Variants in MAML3 observed in about 807,000 individuals in gnomAD.
MAML3 encodes mastermind-like protein 3.
Under a neutral mutation model 101.9 loss-of-function variants are expected in MAML3, and 27 were observed. The observed-to-expected ratio is 0.27, with a 90% CI of 0.20 to 0.37. The LOEUF (loss-of-function observed/expected upper bound fraction) is 0.37, where lower values mean the gene tolerates loss of function less well. MAML3 is among the 10% of genes least tolerant of loss of function. MAML3 has a pLI of 1.00. For synonymous variants in MAML3, 501 were observed against 555.9 expected, an observed-to-expected ratio of 0.90 and a Z score of 1.39; for missense variants, 1,316 against 1,444.9, an observed-to-expected ratio of 0.91 and a Z score of 1.45.
intron 1 of MAML3, among the ~76,000 whole-genome samples, chr4:140,122,013 C>G (rs1278670236): frequency 2.0e-5 from 3 of 152,146 alleles, no homozygotes. Flanking sequence ...TTGAAGAAGG[C>G]TGTGTTTGCT....
intron 1 of MAML3, among the ~76,000 whole-genome samples, chr4:139,910,669 C>T (rs1414708041): frequency 1.3e-5 from 2 of 151,954 alleles, no homozygotes; most frequent in Non-Finnish European, 2.9e-5. Context: ...TATAAGAAAT[C>T]TTGTTGCAAG....
At chr4:140,132,780 T>C (rs1578701716) in intron 1 of MAML3, among the ~76,000 whole-genome samples, 2 of 152,244 alleles carry the variant, frequency 1.3e-5, no homozygotes, top group African/African-American at 4.8e-5. Context: ...AATTATTTCC[T>C]ATATGCGGCA....
intron 2 of MAML3, among the ~76,000 whole-genome samples, chr4:139,859,020 T>A (rs1208084838): frequency 6.6e-6 from 1 of 152,096 alleles, no homozygotes; most frequent in East Asian, 1.9e-4. Flanking sequence ...CCTCTGAGAA[T>A]ACCATCATGA....
chr4:140,039,413 C>T (rs1727044179), intron 1 of MAML3, among the ~76,000 whole-genome samples: 1 of 152,150 alleles, frequency 6.6e-6, no homozygotes, highest in Admixed American at 6.5e-5. Flanking sequence ...CATGGCTGAC[C>T]ATGCATGGTG....
chr4:140,053,308 C>T (rs1190362259), intron 1 of MAML3, among the ~76,000 whole-genome samples: 2 of 152,140 alleles, frequency 1.3e-5, no homozygotes, highest in Non-Finnish European at 2.9e-5. Context: ...CCTACTACTC[C>T]CCTTCATCTC....
intron 2 of MAML3, among the ~76,000 whole-genome samples, chr4:139,794,613 C>CCTG (rs1730479859): frequency 6.6e-6 from 1 of 152,214 alleles, no homozygotes; most frequent in African/African-American, 2.4e-5. Context: ...AGGCAGCCTG[C>CCTG]AAATTTGGGC....
chr4:140,060,350 A>G (rs528497075), intron 1 of MAML3, among the ~76,000 whole-genome samples: 1 of 116,450 alleles, frequency 8.6e-6, no homozygotes, highest in African/African-American at 3.6e-5. Context: ...TGGGCGACAG[A>G]GTAAGACTCT....
intron 1 of MAML3, among the ~76,000 whole-genome samples, chr4:140,053,603 TATTTA>T (rs1212863527): frequency 1.3e-5 from 2 of 152,176 alleles, no homozygotes; most frequent in African/African-American, 4.8e-5. Context: ...TGCATGCACA[TATTTA>T]TTTTAAAATT....
chr4:139,985,682 T>A (rs1207008663), intron 1 of MAML3, among the ~76,000 whole-genome samples: 1 of 152,234 alleles, frequency 6.6e-6, no homozygotes, highest in Non-Finnish European at 1.5e-5. Flanking sequence ...CTGTGCTGTT[T>A]AGGGATTGCC....
At chr4:139,865,034 G>T (rs1448461779) in intron 2 of MAML3, among the ~76,000 whole-genome samples, 1 of 137,372 alleles carries the variant, frequency 7.3e-6, no homozygotes, top group Non-Finnish European at 1.5e-5. Context: ...TTTGTGAAAT[G>T]GAGACAAATT....
chr4:140,093,223 T>A (rs971085984), intron 1 of MAML3, among the ~76,000 whole-genome samples: 1 of 152,200 alleles, frequency 6.6e-6, no homozygotes, highest in Non-Finnish European at 1.5e-5. Flanking sequence ...AGACTGGTGA[T>A]ACATTCTATA....
chr4:139,772,232 T>C (rs1578593468), intron 2 of MAML3, among the ~76,000 whole-genome samples: 2 of 58,724 alleles, frequency 3.4e-5, no homozygotes, highest in Non-Finnish European at 5.8e-5. Flanking sequence ...AGAGCGAGAC[T>C]CCGTTCTCAA....
chr4:140,152,804 C>A, intron 1 of MAML3, 56 bp downstream of exon 1: 1 of 1,546,136 alleles, frequency 6.5e-7, no homozygotes, highest in Non-Finnish European at 8.7e-7. Flanking sequence ...ACGCGCCCCC[C>A]ACCACCACCA....
Position 139,774,260 on chromosome 4 carries a change from C to T in MAML3, c.2080-43593G>A, listed in dbSNP as rs145715935. On this transcript the variant is annotated intron_variant, in intron 2 of 4. Coordinates refer to ENST00000509479, the MANE Select transcript of MAML3 (RefSeq NM_018717.5). ...AACAAATCCTCCTTGACAACTACTA[C>T]ACTTGGTAATTGTTTATTTAACTGG... Among the ~76,000 whole-genome samples the T allele has an allele frequency of 5.9e-4, 90 of 152,358 alleles. 1 individual carries two copies. The highest frequency in any genetic ancestry group is 1.9e-3 in the African/African-American group (78 of 41,582).
chr4:140,031,443 C>A (rs1358158716), intron 1 of MAML3, among the ~76,000 whole-genome samples: 57 of 152,154 alleles, frequency 3.7e-4, no homozygotes. Flanking sequence ...TGGCTTCCAA[C>A]TCAGAGGAAG....
chr4:139,750,980 C>T (rs1381647810), intron 2 of MAML3, among the ~76,000 whole-genome samples: 3 of 152,190 alleles, frequency 2.0e-5, no homozygotes, highest in Non-Finnish European at 4.4e-5. Flanking sequence ...GAACACCTGG[C>T]AAGCTGCCTC....
At chr4:139,973,197 ACCCAGT>A (rs1237927687) in intron 1 of MAML3, among the ~76,000 whole-genome samples, 1 of 152,196 alleles carries the variant, frequency 6.6e-6, no homozygotes, top group Non-Finnish European at 1.5e-5. Flanking sequence ...AAGTTAAGTG[ACCCAGT>A]CATAGGGCCA....
At chr4:139,982,745 C>T (rs1220380312) in intron 1 of MAML3, among the ~76,000 whole-genome samples, 1 of 152,110 alleles carries the variant, frequency 6.6e-6, no homozygotes, top group Non-Finnish European at 1.5e-5. Context: ...ATGTTTTCAA[C>T]TCCAATACAT....
intron 2 of MAML3, among the ~76,000 whole-genome samples, chr4:139,795,274 A>T (rs2111096178): frequency 6.6e-6 from 1 of 152,382 alleles, no homozygotes; most frequent in East Asian, 1.9e-4. Context: ...AGAGGAACAC[A>T]AGCAAGTAAC....
Sources: gnomAD v4.1 joint callset for allele counts (sites outside exome capture counted in the v4.1 genomes callset) on GRCh38, gnomAD v4.1.1 for gene constraint, MANE v1.5 for transcripts, NCBI Gene and HGNC (gene_info 2026-07-23, HGNC 2026-07-21) for gene names.